IKBKB: variants seen among roughly 807,000 people sequenced by gnomAD.
IKBKB encodes inhibitor of nuclear factor kappa B kinase subunit beta, also known as inhibitor of nuclear factor kappa-B kinase subunit beta.
In IKBKB, 42 loss-of-function variants were observed where a neutral mutation model predicts 113.6. The ratio of observed to expected loss-of-function variants is 0.37; its 90% CI spans 0.29 to 0.48. The LOEUF (loss-of-function observed/expected upper bound fraction) is 0.48, where lower values mean the gene tolerates loss of function less well. Among genes scored for constraint, IKBKB ranks in the 20% least tolerant of loss-of-function variants. The probability of loss-of-function intolerance (pLI) is 0.99; values close to 1 mark genes in which losing one functional copy is unlikely to be tolerated. For synonymous variants in IKBKB, 296 were observed against 361.3 expected (o/e 0.82, Z 2.05); for missense variants, 673 against 939.7 (o/e 0.72, Z 3.71).
intron 2 of IKBKB, among the ~76,000 whole-genome samples, chr8:42,273,768 G>T (rs1376447397): frequency 6.6e-6 from 1 of 151,754 alleles, no homozygotes; most frequent in South Asian, 2.1e-4. Flanking sequence ...GTCCAGGCTC[G>T]TCTAGAACTC....
At chr8:42,285,300 C>T (rs1811194628) in intron 2 of IKBKB, among the ~76,000 whole-genome samples, 1 of 152,148 alleles carries the variant, frequency 6.6e-6, no homozygotes, top group African/African-American at 2.4e-5. Context: ...AATCCCAGTG[C>T]TTAGAGAGGC....
chr8:42,298,887 C>A (rs1319145802), intron 5 of IKBKB, among the ~76,000 whole-genome samples: 1 of 152,312 alleles, frequency 6.6e-6, no homozygotes, highest in South Asian at 2.1e-4. Context: ...CCCACAGGCT[C>A]TGTGTCTCAT....
chr8:42,313,337 G>A (rs1287954981), intron 8 of IKBKB, among the ~76,000 whole-genome samples: 1 of 152,116 alleles, frequency 6.6e-6, no homozygotes, highest in Admixed American at 6.6e-5. Context: ...AGTAGTCCCA[G>A]CTACTCAGGA....
At chr8:42,311,057 T>TAA (rs1817602027) in intron 8 of IKBKB, among the ~76,000 whole-genome samples, 1 of 152,150 alleles carries the variant, frequency 6.6e-6, no homozygotes, top group Non-Finnish European at 1.5e-5. Context: ...GATTAAAGAG[T>TAA]TTGCACGTTG....
chr8:42,293,535 A>T, intron 5 of IKBKB, 23 bp downstream of exon 5: 1 of 1,614,120 alleles, frequency 6.2e-7, no homozygotes. Flanking sequence ...CCCGGAATTC[A>T]GGCCGTGTCC....
intron 5 of IKBKB, among the ~76,000 whole-genome samples, chr8:42,296,261 C>T (rs898629225): frequency 2.0e-5 from 3 of 152,134 alleles, no homozygotes; most frequent in African/African-American, 4.8e-5. Context: ...CTTTGGGAGG[C>T]GGAAGCGGAC....
intron 5 of IKBKB, chr8:42,298,291 C>G (rs866750379): frequency 1.0e-6 from 1 of 985,306 alleles, no homozygotes; most frequent in South Asian, 4.7e-5. Context: ...TTCCTGGATT[C>G]TGCAGGTGGC....
chr8:42,272,385 T>G (rs1261250137), intron 2 of IKBKB, 180 bp downstream of exon 2: 2 of 701,746 alleles, frequency 2.9e-6, no homozygotes, highest in African/African-American at 3.6e-5. Flanking sequence ...GTTAGTGGTC[T>G]CCATGCTTTA....
chr8:42,278,556 G>T (rs963736320), intron 2 of IKBKB, among the ~76,000 whole-genome samples: 5 of 152,150 alleles, frequency 3.3e-5, no homozygotes, highest in Non-Finnish European at 7.3e-5. Context: ...TTAATAGCCC[G>T]CTCCGGCCTG....
intron 5 of IKBKB, among the ~76,000 whole-genome samples, chr8:42,302,118 G>A (rs1302756860): frequency 4.6e-5 from 7 of 152,310 alleles, no homozygotes; most frequent in Non-Finnish European, 1.0e-4. Flanking sequence ...CCAGCCAGTA[G>A]TTCATATTCA....
At chr8:42,277,287 A>T (rs966061959) in intron 2 of IKBKB, among the ~76,000 whole-genome samples, 1 of 148,674 alleles carries the variant, frequency 6.7e-6, no homozygotes, top group Non-Finnish European at 1.5e-5. Flanking sequence ...TGTTCAAGCG[A>T]TTCTCCTGTC....
chr8:42,314,176 G>A, intron 8 of IKBKB, 146 bp from the exon 9 acceptor site: 1 of 679,020 alleles, frequency 1.5e-6, no homozygotes. Context: ...TAGGGTGTAC[G>A]ATACAGCCTA....
intron 8 of IKBKB, among the ~76,000 whole-genome samples, chr8:42,310,284 C>T (rs1266116716): frequency 6.6e-6 from 1 of 152,090 alleles, no homozygotes; most frequent in Non-Finnish European, 1.5e-5. Context: ...GCTCAAATTT[C>T]CAGAAGAATA....
At chr8:42,323,719 G>C (rs984781737) in intron 19 of IKBKB, among the ~76,000 whole-genome samples, 1 of 152,188 alleles carries the variant, frequency 6.6e-6, no homozygotes, top group African/African-American at 2.4e-5. Flanking sequence ...CATGCCTTGG[G>C]AGCGTGATTG....
In IKBKB at chr8:42,319,469, TTTTCTC is replaced by T. The variant is rs752253189; in HGVS notation, c.1516+54_1516+59del. 259 of 1,611,026 alleles carry T rather than the reference TTTTCTC, an allele frequency of 1.6e-4. No individual in the cohort carries two copies. The East Asian group carries it at 4.3e-3, about 27-fold the overall frequency. On this transcript the variant is annotated intron_variant, in intron 14 of 21. Transcript: ENST00000520810. Reference sequence around the variant, plus strand: ...GTTTAAAGACACCATTTTTTTTTCTTTTTCTCTTTCTAAGGTTTCTTTTGTCCTATT... The same window carrying T: ...GTTTAAAGACACCATTTTTTTTTCTTTTTCTAAGGTTTCTTTTGTCCTATT...
At chr8:42,285,633 G>A (rs1811266948) in intron 2 of IKBKB, among the ~76,000 whole-genome samples, 1 of 152,172 alleles carries the variant, frequency 6.6e-6, no homozygotes, top group Non-Finnish European at 1.5e-5. Context: ...CAGAATCTAG[G>A]CCAAAGATCA....
At chr8:42,319,217 A>G (rs553626149) in intron 13 of IKBKB, 53 bp from the exon 14 acceptor site, 3 of 1,567,622 alleles carry the variant, frequency 1.9e-6, no homozygotes, top group Admixed American at 3.4e-5. Context: ...TGTACAGGAA[A>G]TGGAATTTGG....
At chr8:42,303,226 C>G (rs1815793983) in intron 5 of IKBKB, among the ~76,000 whole-genome samples, 1 of 152,002 alleles carries the variant, frequency 6.6e-6, no homozygotes, top group Non-Finnish European at 1.5e-5. Flanking sequence ...CATTGTTAAA[C>G]CTCTGAATGT....
chr8:42,314,422 C>G lies in IKBKB; in HGVS notation c.793C>G (p.Leu265Val). The G allele has an allele frequency of 6.3e-7, 1 of 1,587,772 alleles. No individual in the cohort carries two copies. Among genetic ancestry groups the G allele is most frequent in the South Asian group, 1.1e-5 (1 of 90,548 alleles). ...AAGCTCTTTACCCTACCCCAATAAT[C>G]TTAACAGGTAAGGCACAGCGGCATT... ...FSSSLPYPNN[L>V]NSVLAERLEK... Residue 265 changes from leucine (L) to valine (V), a missense_variant, in exon 9 of 22, where the codon CTT (leucine) becomes GTT (valine). Physicochemically the swap from Leu to Val is conservative, Grantham distance 32. This residue lies in a region of IKBKB where 506 missense variants were observed against 638.7 expected (regional missense o/e 0.79). Transcript: ENST00000520810.
Sources: gnomAD v4.1 joint callset for allele counts (sites outside exome capture counted in the v4.1 genomes callset) on GRCh38, gnomAD v4.1.1 for gene constraint, gnomAD v4.1.1 regional missense constraint, MANE v1.5 for transcripts, NCBI Gene and HGNC (gene_info 2026-07-23, HGNC 2026-07-21) for gene names.